The following TMC7 variants were observed in gnomAD, a reference collection of about 807,000 sequenced individuals.
TMC7 encodes transmembrane channel like 7, also known as transmembrane channel-like protein 7.
A neutral mutation model predicts 82.9 loss-of-function variants in TMC7; 54 were observed. That is an observed-to-expected ratio of 0.65 (90% CI 0.52 to 0.82). TMC7 has a LOEUF of 0.82. Ranked by LOEUF, TMC7 falls within the 40% of genes least tolerant of loss-of-function variation. The pLI, the probability that TMC7 is intolerant of heterozygous loss-of-function variation, is 0.00. For synonymous variants in TMC7, 350 were observed against 337.9 expected, an observed-to-expected ratio of 1.04 and a Z score of -0.39; for missense variants, 820 against 901.2, an observed-to-expected ratio of 0.91 and a Z score of 1.15.
At chr16:18,997,050 G>A (rs1038899847) in intron 1 of TMC7, among the ~76,000 whole-genome samples, 2 of 152,212 alleles carry the variant, frequency 1.3e-5, no homozygotes, top group Non-Finnish European at 2.9e-5. Flanking sequence ...TGAAAAGACT[G>A]CTTACCTGAT....
intron 1 of TMC7, among the ~76,000 whole-genome samples, chr16:19,002,257 A>G: frequency 7.4e-6 from 1 of 134,848 alleles, no homozygotes; most frequent in Non-Finnish European, 1.6e-5. Flanking sequence ...TTTTTTTAAG[A>G]TGGAGTTTTG....
intron 1 of TMC7, among the ~76,000 whole-genome samples, chr16:19,007,131 G>T (rs904592249): frequency 2.0e-5 from 3 of 151,964 alleles, no homozygotes; most frequent in South Asian, 2.1e-4. Context: ...GGCTGTCCCA[G>T]GGGTTTGAAG....
In TMC7 at chr16:19,009,372, C is replaced by G; in HGVS notation, c.268C>G (p.Leu90Val). 1 of 1,614,166 alleles carries G rather than the reference C, an allele frequency of 6.2e-7. No individual in the cohort carries two copies. Residue 90 changes from leucine to valine, a missense_variant, in exon 2 of 16, where the codon CTT becomes GTT. By Grantham distance (32) the Leu-to-Val change is conservative. Coordinates refer to ENST00000304381, the MANE Select transcript of TMC7 (RefSeq NM_024847.4). ...CGCTGAAAACCTCAGCAGCCATTCT[C>G]TTCGAAATTATGCACTGAACATCTC... ...RIAENLSSHS[L>V]RNYALNISEK... is the part of the protein sequence containing the mutation.
At chr16:19,058,082 G>T (rs1030190735) in intron 14 of TMC7, among the ~76,000 whole-genome samples, 14 of 151,846 alleles carry the variant, frequency 9.2e-5, no homozygotes, top group African/African-American at 3.4e-4. Flanking sequence ...ACCTGGATTT[G>T]ATTGCTTTTA....
chr16:19,001,439 G>A (rs1486950725), intron 1 of TMC7, among the ~76,000 whole-genome samples: 1 of 152,198 alleles, frequency 6.6e-6, no homozygotes, highest in Non-Finnish European at 1.5e-5. Context: ...CCAGCACTTT[G>A]GGAGGCTGAG....
At chr16:19,012,877 C>T (rs976862372) in intron 2 of TMC7, among the ~76,000 whole-genome samples, 6 of 141,628 alleles carry the variant, frequency 4.2e-5, no homozygotes, top group Admixed American at 2.1e-4. Flanking sequence ...TTTTTTGAGA[C>T]GGGATCTCGG....
rs772528907 is a variant in TMC7 at position 19,040,397 on chromosome 16, C to T, written c.1288C>T (p.Arg430Cys). 291 of 1,613,444 alleles carry T rather than the reference C, an allele frequency of 1.8e-4. 1 individual carries two copies. The highest frequency in any genetic ancestry group is 6.7e-4 in the African/African-American group (50 of 74,880). Residue 430 changes from arginine to cysteine, a missense_variant, in exon 9 of 16, where the codon CGC (arginine) becomes TGC (cysteine). This residue lies in a region of TMC7 where 650 missense variants were observed against 669.9 expected (regional missense o/e 0.97). Coordinates refer to ENST00000304381, the MANE Select transcript of TMC7 (RefSeq NM_024847.4). ...CCCAATGATCTTTGCCAAGATCATC[C>T]GCTATGAGGATTATTCTCCAGGCTT... is the stretch of plus-strand genomic sequence containing the variant. ...ITPMIFAKIIRYEDYSPGFEI... is the reference protein window; with the variant it reads ...ITPMIFAKIICYEDYSPGFEI...
intron 5 of TMC7, among the ~76,000 whole-genome samples, chr16:19,024,483 G>C (rs1387217481): frequency 6.6e-6 from 1 of 152,092 alleles, no homozygotes; most frequent in Non-Finnish European, 1.5e-5. Flanking sequence ...TAAGATTGCA[G>C]CTATGAAAAG....
chr16:19,047,573 T>G (rs1961338371), intron 12 of TMC7, among the ~76,000 whole-genome samples: 1 of 151,868 alleles, frequency 6.6e-6, no homozygotes, highest in Non-Finnish European at 1.5e-5. Flanking sequence ...ATTTTTGTGT[T>G]TTTAGTAGAG....
rs34398653 is a variant in TMC7, at chr16:19,060,999, CTT to C, written c.2107-763_2107-762del. Among the ~76,000 whole-genome samples, 304 of 129,064 alleles carry C rather than the reference CTT, an allele frequency of 2.4e-3. 1 individual carries two copies. Among genetic ancestry groups the C allele is most frequent in the African/African-American group, 6.5e-3 (223 of 34,532 alleles). The allele number at this position is 129,064 out of a possible 152,430, so 84.7% of individuals were successfully genotyped here. ...AAGGGGTTTCACCATGATGGCCAGT[CTT>C]TTTTTTTTTTTTTTTCCTTTGAGAC... On this transcript the variant is annotated intron_variant, in intron 15 of 15. Coordinates refer to ENST00000304381, the MANE Select transcript of TMC7 (RefSeq NM_024847.4).
chr16:19,004,588 C>T (rs1014819865), intron 1 of TMC7, among the ~76,000 whole-genome samples: 1 of 152,120 alleles, frequency 6.6e-6, no homozygotes, highest in Admixed American at 6.6e-5. Flanking sequence ...TGGTCTTGAA[C>T]TCATGACCTC....
intron 11 of TMC7, 53 bp from the exon 12 acceptor site, chr16:19,047,010 T>A: frequency 6.8e-7 from 1 of 1,477,292 alleles, no homozygotes. Context: ...TGTGATATGG[T>A]TCTGTGGCCT....
At chr16:19,027,401 C>G (rs1257662525) in intron 5 of TMC7, among the ~76,000 whole-genome samples, 3 of 151,980 alleles carry the variant, frequency 2.0e-5, no homozygotes, top group Non-Finnish European at 4.4e-5. Flanking sequence ...TGAAATATGT[C>G]TAGTGTGGCT....
intron 1 of TMC7, among the ~76,000 whole-genome samples, chr16:18,990,564 C>T (rs1472452501): frequency 6.6e-5 from 10 of 152,086 alleles, no homozygotes; most frequent in African/African-American, 2.2e-4. Context: ...ACAGGCTTTG[C>T]GTGAGCAGCG....
At chr16:19,027,907 A>G (rs912665644) in intron 5 of TMC7, among the ~76,000 whole-genome samples, 1 of 152,216 alleles carries the variant, frequency 6.6e-6, no homozygotes, top group Non-Finnish European at 1.5e-5. Context: ...TGAAAAATAC[A>G]GAATTTATAG....
rs1197082483 is a variant in TMC7 at position 19,040,240 on chromosome 16, TG to T, written c.1180-48del. ...TCTTTTTTGTTCTATCTATTTGTGG[TG>T]TAACTTCCTCATATACTCCTGACTA... On this transcript the variant is annotated intron_variant, in intron 8 of 15. Transcript: ENST00000304381. 3.9e-6 allele frequency: 6 copies of T among 1,550,032 alleles called. No homozygotes were observed. The East Asian group carries it at 1.4e-4, about 35-fold the overall frequency.
chr16:19,025,389 C>T (rs948541035), intron 5 of TMC7, among the ~76,000 whole-genome samples: 5 of 152,196 alleles, frequency 3.3e-5, no homozygotes, highest in East Asian at 1.9e-4. Flanking sequence ...GAGGCCAAGG[C>T]GGGCAGATCA....
chr16:19,021,461 A>G (rs887051352), intron 3 of TMC7, among the ~76,000 whole-genome samples, 168 bp from the exon 4 acceptor site: 1 of 152,212 alleles, frequency 6.6e-6, no homozygotes, highest in African/African-American at 2.4e-5. Flanking sequence ...GAAAAGTGAA[A>G]ACACTAGAAG....
At chr16:18,997,639 G>GCT (rs2039066378) in intron 1 of TMC7, among the ~76,000 whole-genome samples, 1 of 151,972 alleles carries the variant, frequency 6.6e-6, no homozygotes, top group Admixed American at 6.6e-5. Context: ...CAAAGTGCTG[G>GCT]GATTGAGCCA....
Sources: allele counts gnomAD v4.1 joint callset (sites outside exome capture counted in the v4.1 genomes callset), GRCh38; gene constraint gnomAD v4.1.1; regional missense constraint gnomAD v4.1.1; transcripts MANE v1.5; gene names NCBI Gene and HGNC (gene_info 2026-07-23, HGNC 2026-07-21).